IREB2: variants seen among roughly 807,000 people sequenced by gnomAD.
The protein encoded by IREB2 is iron-responsive element-binding protein 2.
IREB2 carries 39 observed loss-of-function variants against 118.8 expected under a neutral mutation model. That is an observed-to-expected ratio of 0.33 (90% CI 0.25 to 0.43). The LOEUF (loss-of-function observed/expected upper bound fraction) is 0.43. Ranked by LOEUF, IREB2 falls within the 20% of genes least tolerant of loss-of-function variation. The probability of loss-of-function intolerance (pLI) is 1.00; values close to 1 mark genes in which losing one functional copy is unlikely to be tolerated. For synonymous variants in IREB2, 372 were observed against 392.2 expected (o/e 0.95, Z 0.61); for missense variants, 900 against 1,147.3 (o/e 0.78, Z 3.11).
chr15:78,491,927 A>G (rs1171279017), intron 18 of IREB2, among the ~76,000 whole-genome samples: 1 of 152,176 alleles, frequency 6.6e-6, no homozygotes, highest in Non-Finnish European at 1.5e-5. Flanking sequence ...TAATTGTGAC[A>G]TACCTCCAAA....
At chr15:78,450,726 C>T (rs2051009847) in intron 2 of IREB2, among the ~76,000 whole-genome samples, 1 of 152,108 alleles carries the variant, frequency 6.6e-6, no homozygotes, top group Non-Finnish European at 1.5e-5. Flanking sequence ...GGGGGTGCCT[C>T]AGTCCAGGTA....
At chr15:78,462,011 C>A (rs745659313) in intron 2 of IREB2, among the ~76,000 whole-genome samples, 2 of 152,072 alleles carry the variant, frequency 1.3e-5, no homozygotes, top group Non-Finnish European at 2.9e-5. Context: ...TTAAAATATG[C>A]ATGCTAATAT....
intron 2 of IREB2, among the ~76,000 whole-genome samples, chr15:78,441,842 C>G (rs185310160): frequency 1.3e-5 from 2 of 152,206 alleles, no homozygotes; most frequent in East Asian, 3.9e-4. Context: ...TAAATACTTT[C>G]AAAACAGAAA....
chr15:78,476,128 C>A, intron 8 of IREB2, 60 bp from the exon 9 acceptor site: 1 of 1,269,092 alleles, frequency 7.9e-7, no homozygotes, highest in Non-Finnish European at 1.1e-6. Flanking sequence ...AGTTTTCAGA[C>A]AATCGTTGCT....
intron 5 of IREB2, among the ~76,000 whole-genome samples, chr15:78,468,401 G>T (rs2051320681): frequency 2.0e-5 from 3 of 151,744 alleles, no homozygotes; most frequent in Non-Finnish European, 4.4e-5. Context: ...ACACTGTCAG[G>T]CCTGACTTAT....
At chr15:78,469,251 G>A (rs1181315230) in intron 5 of IREB2, among the ~76,000 whole-genome samples, 5 of 152,110 alleles carry the variant, frequency 3.3e-5, no homozygotes, top group Non-Finnish European at 4.4e-5. Flanking sequence ...GTCAGGTTAT[G>A]AGCCAATAAA....
chr15:78,443,234 T>C (rs2050873546), intron 2 of IREB2, among the ~76,000 whole-genome samples: 1 of 152,254 alleles, frequency 6.6e-6, no homozygotes, highest in Non-Finnish European at 1.5e-5. Context: ...GTGAATATGG[T>C]CTTTCTCTTT....
intron 2 of IREB2, among the ~76,000 whole-genome samples, chr15:78,445,915 G>A (rs1182219434): frequency 6.6e-6 from 1 of 152,158 alleles, no homozygotes; most frequent in Non-Finnish European, 1.5e-5. Context: ...CTCCCAAGTA[G>A]TTGGGACTAC....
intron 13 of IREB2, 31 bp downstream of exon 13, chr15:78,485,871 T>TA (rs2051651604): frequency 1.9e-6 from 3 of 1,597,528 alleles, no homozygotes; most frequent in Non-Finnish European, 2.6e-6. Flanking sequence ...TTCATATTGA[T>TA]ATTGGTGTTC....
At chr15:78,442,266 A>G (rs1175443138) in intron 2 of IREB2, among the ~76,000 whole-genome samples, 1 of 152,192 alleles carries the variant, frequency 6.6e-6, no homozygotes, top group African/African-American at 2.4e-5. Context: ...TAATTTCCTA[A>G]TAAGGAATAA....
intron 2 of IREB2, among the ~76,000 whole-genome samples, chr15:78,454,926 G>A (rs2051081968): frequency 1.3e-5 from 2 of 152,188 alleles, no homozygotes; most frequent in African/African-American, 4.8e-5. Flanking sequence ...CTAGGGTCAA[G>A]TGATCCTCTT....
At chr15:78,440,285 GCCTAATGTGATTTTTAGAAGAA>G (rs2050825625) in intron 2 of IREB2, among the ~76,000 whole-genome samples, 1 of 151,768 alleles carries the variant, frequency 6.6e-6, no homozygotes, top group Non-Finnish European at 1.5e-5. Flanking sequence ...ACTGCGCCTG[GCCTAATGTGATTTTTAGAAGAA>G]CCTGACTGAC....
chr15:78,462,919 C>G lies in IREB2; in HGVS notation c.107-3C>G. 1 of 1,572,622 alleles carries G rather than the reference C, an allele frequency of 6.4e-7. No individual in the cohort carries two copies. The highest frequency in any genetic ancestry group is 1.2e-5 in the South Asian group (1 of 84,052). ...TATTAATAGTAATATTTTCTTGAAT[C>G]AGATGTTCTGCCTTACTCAATACGG... On this transcript the variant is annotated splice_polypyrimidine_tract_variant and splice_region_variant and intron_variant, in intron 2 of 21. Coordinates refer to ENST00000258886, the MANE Select transcript of IREB2 (RefSeq NM_004136.4).
chr15:78,468,470 C>T (rs1191451434), intron 5 of IREB2, among the ~76,000 whole-genome samples: 1 of 151,194 alleles, frequency 6.6e-6, no homozygotes, highest in Non-Finnish European at 1.5e-5. Flanking sequence ...TGGTCTTGAA[C>T]TGGGCTCATG....
chr15:78,469,582 G>A (rs111625674), intron 5 of IREB2, among the ~76,000 whole-genome samples: 4 of 152,066 alleles, frequency 2.6e-5, no homozygotes, highest in African/African-American at 9.7e-5. Flanking sequence ...AATTAGCCGG[G>A]TGTGGTGGTG....
chr15:78,476,266 C>G lies in IREB2; in HGVS notation c.1102C>G (p.Arg368Gly). ...SGVSQLSIVD[R>G]TTIANMCPEY... Reference sequence around the variant, plus strand: ...AGTTTCACAATTATCTATAGTTGATCGAACTACAATAGCAAACATGTGTCC... The same window carrying G: ...AGTTTCACAATTATCTATAGTTGATGGAACTACAATAGCAAACATGTGTCC... Residue 368 changes from arginine (R) to glycine (G), a missense_variant, in exon 9 of 22, where the codon CGA (arginine) becomes GGA (glycine). Transcript: ENST00000258886. 6.2e-7 allele frequency: 1 copy of G among 1,609,026 alleles called. No homozygotes were observed. The highest frequency in any genetic ancestry group is 8.5e-7 in the Non-Finnish European group (1 of 1,176,238).
At chr15:78,438,426 C>T in intron 1 of IREB2, 70 bp downstream of exon 1, 1 of 1,531,320 alleles carries the variant, frequency 6.5e-7, no homozygotes, top group Non-Finnish European at 8.9e-7. Flanking sequence ...GAATTCCTTG[C>T]TTTTCTCGCC....
rs537080744 is a variant in IREB2, at chr15:78,478,334, C to T, written c.1233C>T (p.Tyr411=). ...CCAAACTCGAATCAATGGAAACATA[C>T]CTTAAAGCTGTGAAATTGTTTCGAA... is the stretch of plus-strand genomic sequence containing the variant. ...SKAKLESMET[Y]LKAVKLFRND... Residue 411 remains tyrosine, a synonymous_variant, in exon 10 of 22, where the codon TAC becomes TAT. Transcript: ENST00000258886. The T allele has an allele frequency of 5.0e-6, 8 of 1,613,568 alleles. No homozygotes were observed. In the African/African-American group the frequency reaches 9.3e-5, roughly 19 times the overall value.
At chr15:78,438,732 G>A (rs2050796743) in intron 1 of IREB2, 2 of 327,970 alleles carry the variant, frequency 6.1e-6, no homozygotes, top group Non-Finnish European at 1.2e-5. Flanking sequence ...CGATGAAGGC[G>A]GGGGCCTGCG....
Sources: allele counts gnomAD v4.1 joint callset (sites outside exome capture counted in the v4.1 genomes callset), GRCh38; gene constraint gnomAD v4.1.1; transcripts MANE v1.5; gene names NCBI Gene and HGNC (gene_info 2026-07-23, HGNC 2026-07-21).